The following RANBP17 variants were observed in gnomAD, a reference collection of about 807,000 sequenced individuals.
RANBP17 encodes ran-binding protein 17.
In RANBP17, 158 loss-of-function variants were observed where a neutral mutation model predicts 141.2. That is an observed-to-expected ratio of 1.12 (90% CI 0.98 to 1.28). The LOEUF (loss-of-function observed/expected upper bound fraction) is 1.28, where lower values mean the gene tolerates loss of function less well. Ranked by LOEUF, RANBP17 falls within the 50% of genes most tolerant of loss-of-function variation. RANBP17 has a pLI of 0.00. For synonymous variants in RANBP17, 430 were observed against 450.0 expected (o/e 0.96, Z 0.56); for missense variants, 1,438 against 1,290.7 (o/e 1.11, Z -1.75).
chr5:170,931,253 G>T (rs1241371634), intron 12 of RANBP17, among the ~76,000 whole-genome samples: 16 of 152,038 alleles, frequency 1.1e-4, no homozygotes, highest in Non-Finnish European at 1.6e-4. Context: ...CTTTTTGATG[G>T]GGTTGTTTGA....
chr5:171,118,205 C>CCA, intron 14 of RANBP17, among the ~76,000 whole-genome samples: 1 of 152,196 alleles, frequency 6.6e-6, no homozygotes, highest in African/African-American at 2.4e-5. Flanking sequence ...CGTACTTCAG[C>CCA]ATTAATTTGG....
At chr5:170,871,360 A>G (rs1286204505) in intron 1 of RANBP17, among the ~76,000 whole-genome samples, 2 of 152,126 alleles carry the variant, frequency 1.3e-5, no homozygotes, top group African/African-American at 4.8e-5. Context: ...ACATTTGCCC[A>G]CTTTTTGATG....
chr5:171,257,903 C>T (rs1318261843), intron 24 of RANBP17, among the ~76,000 whole-genome samples: 1 of 151,812 alleles, frequency 6.6e-6, no homozygotes, highest in Non-Finnish European at 1.5e-5. Flanking sequence ...GTCGGGAGTT[C>T]AAGACCAGCC....
chr5:171,032,838 T>G (rs1191285898), intron 14 of RANBP17, among the ~76,000 whole-genome samples: 3 of 152,160 alleles, frequency 2.0e-5, no homozygotes, highest in Non-Finnish European at 4.4e-5. Flanking sequence ...GAGTAGAGAC[T>G]GCGCATTATT....
intron 14 of RANBP17, among the ~76,000 whole-genome samples, chr5:171,061,601 A>G (rs1178799617): frequency 1.3e-5 from 2 of 152,100 alleles, no homozygotes; most frequent in Admixed American, 6.6e-5. Context: ...GAATTTTGGA[A>G]TAGGTGTGGT....
chr5:171,024,254 T>G (rs1192694954), intron 14 of RANBP17, among the ~76,000 whole-genome samples: 1 of 152,098 alleles, frequency 6.6e-6, no homozygotes, highest in Non-Finnish European at 1.5e-5. Context: ...GAGTATACTT[T>G]AAATAGGAAA....
intron 3 of RANBP17, among the ~76,000 whole-genome samples, chr5:170,885,116 C>G (rs754851891): frequency 1.9e-4 from 29 of 152,176 alleles, no homozygotes; most frequent in Admixed American, 8.5e-4. Flanking sequence ...CCAAAAGATT[C>G]AGGAATTTTA....
At chr5:170,933,626 T>C (rs930381115) in intron 12 of RANBP17, among the ~76,000 whole-genome samples, 1 of 152,236 alleles carries the variant, frequency 6.6e-6, no homozygotes, top group Admixed American at 6.5e-5. Context: ...TTTGTTCTCA[T>C]TGGTTTCAAA....
chr5:171,047,674 A>G (rs1194197143), intron 14 of RANBP17, among the ~76,000 whole-genome samples: 2 of 152,024 alleles, frequency 1.3e-5, no homozygotes, highest in African/African-American at 2.4e-5. Context: ...TCCTGACCTC[A>G]TGATCCGCCT....
intron 14 of RANBP17, among the ~76,000 whole-genome samples, chr5:170,987,268 GA>G (rs756912906): frequency 2.6e-5 from 4 of 151,634 alleles, no homozygotes; most frequent in African/African-American, 4.8e-5. Context: ...TGACTTTAGG[GA>G]TTTTTTTCTG....
Position 170,964,662 on chromosome 5 carries a change from C to T in RANBP17, c.1575-3580C>T, listed in dbSNP as rs567127266. On this transcript the variant is annotated intron_variant, in intron 13 of 27. Coordinates refer to ENST00000523189, the MANE Select transcript of RANBP17 (RefSeq NM_022897.5). ...AACATGCAGTGTTTGGTTTTTTGTC[C>T]TTGCGATAGTTTACTGAGAATGATG... Among the ~76,000 whole-genome samples the T allele has an allele frequency of 2.2e-4, 33 of 152,048 alleles. 1 individual carries two copies. In the South Asian group the frequency reaches 6.7e-3, roughly 31 times the overall value.
At chr5:171,017,666 A>T (rs927689858) in intron 14 of RANBP17, among the ~76,000 whole-genome samples, 2 of 152,124 alleles carry the variant, frequency 1.3e-5, no homozygotes, top group African/African-American at 4.8e-5. Context: ...CCTTTGTTAG[A>T]TGGATAGAAC....
chr5:171,114,263 C>A (rs1394615698), intron 14 of RANBP17, among the ~76,000 whole-genome samples: 1 of 152,008 alleles, frequency 6.6e-6, no homozygotes, highest in Non-Finnish European at 1.5e-5. Context: ...TTTTGGCATA[C>A]ATTTTGTATT....
intron 14 of RANBP17, among the ~76,000 whole-genome samples, chr5:171,114,591 A>G (rs915926879): frequency 6.6e-6 from 1 of 151,408 alleles, no homozygotes; most frequent in Admixed American, 6.6e-5. Flanking sequence ...ATCCAGCCAC[A>G]AAGAGGGAAT....
At chr5:171,005,617 G>A (rs1779543783) in intron 14 of RANBP17, among the ~76,000 whole-genome samples, 1 of 152,156 alleles carries the variant, frequency 6.6e-6, no homozygotes, top group Non-Finnish European at 1.5e-5. Context: ...AGACTTACAT[G>A]TTAGACCTAA....
intron 2 of RANBP17, 99 bp downstream of exon 2, chr5:170,878,342 C>A: frequency 9.8e-7 from 1 of 1,022,702 alleles, no homozygotes; most frequent in Non-Finnish European, 1.3e-6. Context: ...TAGATATTGC[C>A]ACATGGTTTT....
At chr5:170,922,402 C>G (rs1251485040) in intron 11 of RANBP17, among the ~76,000 whole-genome samples, 1 of 152,208 alleles carries the variant, frequency 6.6e-6, no homozygotes, top group Non-Finnish European at 1.5e-5. Context: ...CAGAAGCTGT[C>G]TGCTGCCTTT....
At chr5:171,077,552 A>G (rs1191278312) in intron 14 of RANBP17, among the ~76,000 whole-genome samples, 1 of 152,224 alleles carries the variant, frequency 6.6e-6, no homozygotes, top group East Asian at 1.9e-4. Context: ...TAGAGACAAC[A>G]TGAACATGCA....
chr5:171,282,825 A>G (rs568675666), intron 25 of RANBP17, among the ~76,000 whole-genome samples: 1 of 152,058 alleles, frequency 6.6e-6, no homozygotes, highest in Non-Finnish European at 1.5e-5. Flanking sequence ...CAGACCTCCT[A>G]AAGGCTCAGA....
Sources: allele counts gnomAD v4.1 joint callset (sites outside exome capture counted in the v4.1 genomes callset), GRCh38; gene constraint gnomAD v4.1.1; transcripts MANE v1.5; gene names NCBI Gene and HGNC (gene_info 2026-07-23, HGNC 2026-07-21).